The following WDR20 variants were observed in gnomAD, a reference collection of about 807,000 sequenced individuals.
WDR20 encodes the protein WD repeat domain 20.
In WDR20, 3 loss-of-function variants were observed where a neutral mutation model predicts 38.7. That is an observed-to-expected ratio of 0.08 (90% CI 0.04 to 0.20). WDR20 has a LOEUF of 0.20. Ranked by LOEUF, WDR20 falls within the 10% of genes least tolerant of loss-of-function variation. The pLI is 1.00. For synonymous variants in WDR20, 298 were observed against 285.6 expected (o/e 1.04, Z -0.44); for missense variants, 559 against 727.7 (o/e 0.77, Z 2.67).
intron 1 of WDR20, among the ~76,000 whole-genome samples, chr14:102,141,637 G>A (rs756099838): frequency 1.3e-5 from 2 of 152,014 alleles, no homozygotes; most frequent in Non-Finnish European, 2.9e-5. Flanking sequence ...TCTTTAAAAA[G>A]GGAATGTTAC....
chr14:102,143,027 T>C (rs1595753941), intron 1 of WDR20, among the ~76,000 whole-genome samples: 1 of 152,122 alleles, frequency 6.6e-6, no homozygotes, highest in Admixed American at 6.6e-5. Context: ...GAGTGCAATC[T>C]TGATCCTTTT....
At chr14:102,172,734 CG>C (rs1158988693) in intron 1 of WDR20, among the ~76,000 whole-genome samples, 2 of 147,122 alleles carry the variant, frequency 1.4e-5, no homozygotes, top group East Asian at 4.0e-4. Context: ...CCCTCCCGGA[CG>C]GGGCGGCTGC....
In WDR20 at chr14:102,158,650, CCTTATT is replaced by C. The variant is rs151210895; in HGVS notation, c.249+18483_249+18488del. Reference sequence around the variant, plus strand: ...GATCTTCAATAACCTACTTCCCTATCCTTATTCTTAGTTGATGACTGTACTTCTTAT... The same window carrying C: ...GATCTTCAATAACCTACTTCCCTATCCTTAGTTGATGACTGTACTTCTTAT... On this transcript the variant is annotated intron_variant, in intron 1 of 2. Coordinates refer to ENST00000342702, the MANE Select transcript of WDR20 (RefSeq NM_144574.4). Among the ~76,000 whole-genome samples, 1,129 of 152,194 alleles carry C rather than the reference CCTTATT, an allele frequency of 7.4e-3. 19 individuals carry two copies. The highest frequency in any genetic ancestry group is 0.025 in the African/African-American group (1,057 of 41,500).
chr14:102,164,997 G>T (rs963469649), intron 1 of WDR20, among the ~76,000 whole-genome samples: 1 of 152,198 alleles, frequency 6.6e-6, no homozygotes, highest in Non-Finnish European at 1.5e-5. Flanking sequence ...TACGACATAT[G>T]CTCCGGCAGA....
chr14:102,217,862 AGGTGTC>A (rs2063408296), downstream of WDR20, among the ~76,000 whole-genome samples: 2 of 152,252 alleles, frequency 1.3e-5, no homozygotes, highest in Non-Finnish European at 2.9e-5. Context: ...GTCTCTAAAA[AGGTGTC>A]GCTTTGCAAA....
Position 102,210,091 on chromosome 14 carries a change from GC to G in WDR20, c.*213del, listed in dbSNP as rs2062251922. The stretch of plus-strand genomic sequence containing the variant: ...TTAAAAAAATATAATCAAACTAATT[GC>G]CAGCCAAGTCAGTCATCCTCCTGGG... On this transcript the variant is annotated 3_prime_UTR_variant, in exon 3 of 3. Coordinates refer to ENST00000342702, the MANE Select transcript of WDR20 (RefSeq NM_144574.4). The G allele has an allele frequency of 1.5e-6, 2 of 1,331,836 alleles. No individual in the cohort carries two copies. The highest frequency in any genetic ancestry group is 1.9e-6 in the Non-Finnish European group (2 of 1,045,184). The allele number at this position is 1,331,836 out of a possible 1,614,324, so 82.5% of individuals were successfully genotyped here.
At chr14:102,219,922 G>GT (rs1469359839), downstream of WDR20, among the ~76,000 whole-genome samples, 1 of 152,250 alleles carries the variant, frequency 6.6e-6, no homozygotes, top group Non-Finnish European at 1.5e-5. Flanking sequence ...GTGGGACAGT[G>GT]GAGGGCATGA....
intron 1 of WDR20, among the ~76,000 whole-genome samples, chr14:102,182,716 AT>A (rs1164523546): frequency 6.6e-6 from 1 of 151,878 alleles, no homozygotes; most frequent in African/African-American, 2.4e-5. Context: ...TATATATAAT[AT>A]ATGATTATTG....
At chr14:102,199,893 G>A (rs2060007228) in intron 2 of WDR20, among the ~76,000 whole-genome samples, 2 of 152,220 alleles carry the variant, frequency 1.3e-5, no homozygotes, top group Admixed American at 6.5e-5. Context: ...TACAAAGAAG[G>A]TAGGAAAGCA....
At chr14:102,198,870 G>C (rs2059844844) in intron 2 of WDR20, among the ~76,000 whole-genome samples, 1 of 152,210 alleles carries the variant, frequency 6.6e-6, no homozygotes, top group South Asian at 2.1e-4. Flanking sequence ...TGGAGGGGAA[G>C]ATCAGAGGTT....
At chr14:102,143,868 T>C (rs2052493408) in intron 1 of WDR20, among the ~76,000 whole-genome samples, 1 of 151,800 alleles carries the variant, frequency 6.6e-6, no homozygotes, top group African/African-American at 2.4e-5. Flanking sequence ...ACATACTTTG[T>C]TCTCCTTTTT....
At chr14:102,166,170 C>T (rs890244796) in intron 1 of WDR20, among the ~76,000 whole-genome samples, 4 of 150,266 alleles carry the variant, frequency 2.7e-5, no homozygotes, top group African/African-American at 7.4e-5. Context: ...TGGCAGAGAC[C>T]GGGTTTTGCC....
At chr14:102,150,207 A>G (rs1202871221) in intron 1 of WDR20, among the ~76,000 whole-genome samples, 1 of 152,164 alleles carries the variant, frequency 6.6e-6, no homozygotes, top group African/African-American at 2.4e-5. Context: ...GCATAGGATT[A>G]CATCACGCCT....
intron 1 of WDR20, among the ~76,000 whole-genome samples, chr14:102,160,869 A>T (rs1566854004): frequency 7.0e-6 from 1 of 142,012 alleles, no homozygotes; most frequent in Non-Finnish European, 1.5e-5. Flanking sequence ...AATGGCGTGA[A>T]CCCAGCGAGT....
exon 4 of WDR20, chr14:102,223,118 T>G (rs554284626): frequency 2.2e-5 from 9 of 418,154 alleles, no homozygotes; most frequent in African/African-American, 6.2e-5. Flanking sequence ...AAATAAGAAA[T>G]GGAGTTTTCT....
At chr14:102,211,654 CT>C (rs2062552233), downstream of WDR20, among the ~76,000 whole-genome samples, 1 of 152,188 alleles carries the variant, frequency 6.6e-6, no homozygotes. This position sits in a 1 kb window ranked among gnomAD's most constrained non-coding sequence, Gnocchi z 4.2. Flanking sequence ...GTGAACTGAT[CT>C]AAGGTAGCCA....
intron 1 of WDR20, among the ~76,000 whole-genome samples, chr14:102,185,875 G>T (rs2064568125): frequency 6.6e-6 from 1 of 150,392 alleles, no homozygotes; most frequent in Admixed American, 6.6e-5. Flanking sequence ...TAGGTCTCTT[G>T]GTTTCTATCA....
chr14:102,150,198 C>G (rs893786135), intron 1 of WDR20, among the ~76,000 whole-genome samples: 8 of 152,186 alleles, frequency 5.3e-5, no homozygotes, highest in Admixed American at 1.3e-4. Context: ...TCAGGCCTGG[C>G]ATAGGATTAC....
intron 1 of WDR20, among the ~76,000 whole-genome samples, chr14:102,142,774 C>CTTTTTT (rs71116885): frequency 1.1e-4 from 9 of 85,006 alleles, no homozygotes; most frequent in Non-Finnish European, 1.8e-4. Flanking sequence ...GCTGTTTTGA[C>CTTTTTT]TTTTTTTTTT....
Sources: allele counts gnomAD v4.1 joint callset (sites outside exome capture counted in the v4.1 genomes callset), GRCh38; gene constraint gnomAD v4.1.1; non-coding constraint Gnocchi (gnomAD v3.1); transcripts MANE v1.5; gene names NCBI Gene and HGNC (gene_info 2026-07-23, HGNC 2026-07-21).